SNTG1: variants seen among roughly 807,000 people sequenced by gnomAD.
SNTG1 encodes syntrophin gamma 1.
Under a neutral mutation model 74.7 loss-of-function variants are expected in SNTG1, and 39 were observed. The observed-to-expected ratio is 0.52, with a 90% CI of 0.40 to 0.68. The LOEUF (loss-of-function observed/expected upper bound fraction) is 0.68, where lower values mean the gene tolerates loss of function less well. Among genes scored for constraint, SNTG1 ranks in the 30% least tolerant of loss-of-function variants. The probability of loss-of-function intolerance (pLI) is 0.00; values close to 1 mark genes in which losing one functional copy is unlikely to be tolerated. For synonymous variants in SNTG1, 254 were observed against 217.1 expected (o/e 1.17, Z -1.49); for missense variants, 685 against 609.5 (o/e 1.12, Z -1.30).
At chr8:50,426,643 A>G (rs1282917249) in intron 4 of SNTG1, among the ~76,000 whole-genome samples, 1 of 152,076 alleles carries the variant, frequency 6.6e-6, no homozygotes, top group East Asian at 1.9e-4. Context: ...TTATTACTGA[A>G]GAAAGAAAAG....
chr8:50,762,458 T>C, intron 18 of SNTG1: 1 of 309,772 alleles, frequency 3.2e-6, no homozygotes, highest in East Asian at 8.0e-5. Flanking sequence ...CGGGACATTC[T>C]GTTTTGTAAT....
At chr8:50,163,417 T>G (rs915038837) in intron 1 of SNTG1, 8 of 147,942 alleles carry the variant, frequency 5.4e-5, no homozygotes, top group Middle Eastern at 3.5e-3. Flanking sequence ...AATTCCAAGT[T>G]TTTTTTTTTT....
chr8:50,567,285 C>T (rs1275302989), intron 12 of SNTG1, among the ~76,000 whole-genome samples: 12 of 152,018 alleles, frequency 7.9e-5, no homozygotes, highest in Non-Finnish European at 1.6e-4. Context: ...CAATCCTTCC[C>T]AATTATGCTT....
chr8:50,694,607 C>A (rs548428616), intron 15 of SNTG1, among the ~76,000 whole-genome samples: 133 of 152,064 alleles, frequency 8.7e-4, no homozygotes, highest in Middle Eastern at 3.4e-3. Context: ...ACCCTGATAC[C>A]AAAGGCAAAG....
chr8:50,239,985 T>G (rs922706387), intron 2 of SNTG1, among the ~76,000 whole-genome samples: 2 of 152,194 alleles, frequency 1.3e-5, no homozygotes, highest in African/African-American at 4.8e-5. Context: ...CTTCTGAAAA[T>G]TCACTAAGTA....
intron 1 of SNTG1, among the ~76,000 whole-genome samples, chr8:50,056,368 C>T (rs998357052): frequency 1.4e-4 from 22 of 152,160 alleles, no homozygotes; most frequent in Non-Finnish European, 7.4e-5. Context: ...CTGAACCTTA[C>T]TCAAGGCTAC....
At chr8:49,925,758 A>G (rs1806967256) in intron 1 of SNTG1, among the ~76,000 whole-genome samples, 1 of 152,156 alleles carries the variant, frequency 6.6e-6, no homozygotes, top group South Asian at 2.1e-4. Context: ...CTGTGCCAGT[A>G]GTTTATTCAT....
chr8:50,161,974 AAG>A, intron 1 of SNTG1, among the ~76,000 whole-genome samples: 1 of 152,106 alleles, frequency 6.6e-6, no homozygotes, highest in East Asian at 1.9e-4. Context: ...AGAAGAATGA[AAG>A]AGAGGGGAAT....
chr8:50,382,795 A>G (rs1030674997), intron 2 of SNTG1, among the ~76,000 whole-genome samples: 5 of 152,194 alleles, frequency 3.3e-5, no homozygotes, highest in Admixed American at 1.3e-4. Context: ...ATGTGTACAC[A>G]TATTTTAAGA....
At chr8:50,296,518 A>G (rs1015955846) in intron 2 of SNTG1, among the ~76,000 whole-genome samples, 2 of 152,178 alleles carry the variant, frequency 1.3e-5, no homozygotes, top group Non-Finnish European at 2.9e-5. Context: ...CAGAAACTGA[A>G]AACTAAACAC....
At chr8:50,211,694 AAG>A (rs1233293042) in intron 2 of SNTG1, among the ~76,000 whole-genome samples, 1 of 152,162 alleles carries the variant, frequency 6.6e-6, no homozygotes, top group Non-Finnish European at 1.5e-5. Context: ...ATTTTTTTAA[AAG>A]AGAGATATCA....
chr8:50,383,771 C>T (rs4873455), intron 2 of SNTG1, among the ~76,000 whole-genome samples: 140,958 of 152,164 alleles, frequency 0.93, 65,853 homozygotes, highest in Non-Finnish European at 1. Context: ...ACCTAAGGAA[C>T]CTCCTGTGCA....
intron 1 of SNTG1, among the ~76,000 whole-genome samples, chr8:50,164,607 A>C (rs1189512003): frequency 6.6e-6 from 1 of 152,248 alleles, no homozygotes; most frequent in Non-Finnish European, 1.5e-5. Flanking sequence ...ATGTCATAAT[A>C]TAAATTTCAC....
At chr8:50,079,792 T>C (rs969055879) in intron 1 of SNTG1, among the ~76,000 whole-genome samples, 15 of 152,224 alleles carry the variant, frequency 9.9e-5, no homozygotes, top group African/African-American at 3.1e-4. Context: ...GCTAGCCAGT[T>C]TTCCCAGCAT....
chr8:50,587,085 T>G lies in SNTG1; in HGVS notation c.811-3794T>G, dbSNP rs562275768. Among the ~76,000 whole-genome samples the G allele has an allele frequency of 7.2e-5, 11 of 151,954 alleles. No homozygotes were observed. In the South Asian group the frequency reaches 2.3e-3, roughly 32 times the overall value. ...CAATTTCGGTTCACGCTTACAGACA[T>G]TAATCTAAATTTGTAAGACTGGATG... On this transcript the variant is annotated intron_variant, in intron 12 of 18. Coordinates refer to ENST00000642720, the MANE Select transcript of SNTG1 (RefSeq NM_018967.5).
chr8:50,444,915 C>T (rs1019495397), intron 5 of SNTG1, among the ~76,000 whole-genome samples: 1 of 151,940 alleles, frequency 6.6e-6, no homozygotes, highest in Non-Finnish European at 1.5e-5. Context: ...ATTCCAATAC[C>T]ATACAATTTA....
intron 17 of SNTG1, among the ~76,000 whole-genome samples, chr8:50,750,766 T>C (rs2095565499): frequency 6.6e-6 from 1 of 152,030 alleles, no homozygotes; most frequent in Non-Finnish European, 1.5e-5. Flanking sequence ...GTACACTTAA[T>C]AGACTACAGT....
intron 1 of SNTG1, among the ~76,000 whole-genome samples, chr8:50,080,434 T>C (rs1389406236): frequency 6.6e-6 from 1 of 152,208 alleles, no homozygotes; most frequent in Non-Finnish European, 1.5e-5. Context: ...GCCCCATTAA[T>C]AGAAGGTTTA....
At chr8:50,437,703 C>A (rs1016801705) in intron 4 of SNTG1, among the ~76,000 whole-genome samples, 1 of 152,142 alleles carries the variant, frequency 6.6e-6, no homozygotes, top group South Asian at 2.1e-4. Context: ...GGGGAATGTT[C>A]AAAAAGATTG....
Sources: allele counts gnomAD v4.1 joint callset (sites outside exome capture counted in the v4.1 genomes callset), GRCh38; gene constraint gnomAD v4.1.1; transcripts MANE v1.5; gene names NCBI Gene and HGNC (gene_info 2026-07-23, HGNC 2026-07-21).